The following TNFRSF1B variants were observed in gnomAD, a reference collection of about 807,000 sequenced individuals.
TNFRSF1B encodes the protein tumor necrosis factor receptor superfamily member 1B.
TNFRSF1B carries 19 observed loss-of-function variants against 44.6 expected under a neutral mutation model. The observed-to-expected ratio is 0.43, with a 90% CI of 0.30 to 0.62. TNFRSF1B has a LOEUF of 0.62. Ranked by LOEUF, TNFRSF1B falls within the 20% of genes least tolerant of loss-of-function variation. The pLI is 0.16. For synonymous variants in TNFRSF1B, 252 were observed against 261.1 expected (o/e 0.97, Z 0.34); for missense variants, 541 against 619.9 (o/e 0.87, Z 1.35).
At chr1:12,167,422 AG>A in intron 1 of TNFRSF1B, 1 of 429,838 alleles carries the variant, frequency 2.3e-6, no homozygotes, top group Non-Finnish European at 4.2e-6. Flanking sequence ...GCGTCGTGAC[AG>A]GGGCGCACCC....
chr1:12,182,394 C>T (rs562090630), intron 1 of TNFRSF1B, among the ~76,000 whole-genome samples: 1 of 152,210 alleles, frequency 6.6e-6, no homozygotes, highest in Admixed American at 6.5e-5. Context: ...TCCCCGGCCC[C>T]GCACCTTGTG....
In TNFRSF1B at chr1:12,199,047, C is replaced by G. The variant is rs1639333123; in HGVS notation, c.901-2920C>G. Among the ~76,000 whole-genome samples, 1 of 152,142 alleles carries G rather than the reference C, an allele frequency of 6.6e-6. No homozygotes were observed. The highest frequency in any genetic ancestry group is 1.5e-5 in the Non-Finnish European group (1 of 68,032). ...TCAGTACTCGGCTCTACTGGGGTCC[C>G]AGCCCAAGGAATAGGACTCAGCCTG... On this transcript the variant is annotated intron_variant, in intron 8 of 9. Coordinates refer to ENST00000376259, the MANE Select transcript of TNFRSF1B (RefSeq NM_001066.3). This position sits in a 1 kb window ranked among gnomAD's most constrained non-coding sequence, Gnocchi z 4.0.
rs1638777037 is a variant in TNFRSF1B at position 12,180,604 on chromosome 1, G to A, written c.79-8192G>A. On this transcript the variant is annotated intron_variant, in intron 1 of 9. Coordinates refer to ENST00000376259, the MANE Select transcript of TNFRSF1B (RefSeq NM_001066.3). The surrounding 1 kb of genome is among the most constrained non-coding windows in gnomAD (Gnocchi z 4.3). Reference sequence around the variant, plus strand: ...CCCTTACCAGCTAAGGGCTCCAGCAGAGTCCTAGTCTTGAGCGAATCTTAT... The same window carrying A: ...CCCTTACCAGCTAAGGGCTCCAGCAAAGTCCTAGTCTTGAGCGAATCTTAT... Among the ~76,000 whole-genome samples, 1 of 152,220 alleles carries A rather than the reference G, an allele frequency of 6.6e-6. No homozygotes were observed. The highest frequency in any genetic ancestry group is 2.4e-5 in the African/African-American group (1 of 41,454).
Position 12,183,850 on chromosome 1 carries a change from T to TCTATCTATCTACCTAC in TNFRSF1B, c.79-4943_79-4942insTCTATCTACCTACCTA, listed in dbSNP as rs1390376605. Among the ~76,000 whole-genome samples, 181 of 137,464 alleles carry TCTATCTATCTACCTAC rather than the reference T, an allele frequency of 1.3e-3. 2 individuals are homozygous for TCTATCTATCTACCTAC. Among genetic ancestry groups the TCTATCTATCTACCTAC allele is most frequent in the East Asian group, 3.2e-3 (15 of 4,686 alleles). The allele number at this position is 137,464 out of a possible 152,430, so 90.2% of individuals were successfully genotyped here. A position where few individuals can be genotyped will look rare whatever the true frequency, so the allele number is the denominator to read the frequency against. ...ACCTATCTATCTATCTATCTATCTA[T>TCTATCTATCTACCTAC]CTACCTACCTACCTACCTACATATC... is the stretch of plus-strand genomic sequence containing the variant. On this transcript the variant is annotated intron_variant, in intron 1 of 9. Transcript: ENST00000376259.
intron 1 of TNFRSF1B, among the ~76,000 whole-genome samples, chr1:12,170,874 C>T (rs1638506830): frequency 6.6e-6 from 1 of 151,366 alleles, no homozygotes; most frequent in Non-Finnish European, 1.5e-5. Flanking sequence ...CGGGGTTTCA[C>T]CATATTGCCC....
At chr1:12,191,655 C>A (rs1002907379) in intron 3 of TNFRSF1B, 119 bp from the exon 4 acceptor site, 12 of 1,306,270 alleles carry the variant, frequency 9.2e-6, no homozygotes, top group African/African-American at 2.9e-5. Flanking sequence ...GTGCCCCATG[C>A]TGAGGCGGTC....
At position 12,202,502 on chromosome 1, in the gene TNFRSF1B, C is replaced by G. The variant is rs111941714; in HGVS notation, c.1105+331C>G. 1.3e-4 allele frequency among the ~76,000 whole-genome samples: 20 copies of G among 152,316 alleles called. 1 individual carries two copies. Among genetic ancestry groups the G allele is most frequent in the African/African-American group, 3.8e-4 (16 of 41,566 alleles). On this transcript the variant is annotated intron_variant, in intron 9 of 9. Transcript: ENST00000376259. ...GCTCACCATGCCCTGGCCTCCCTTT[C>G]ACAGGACTGTCAGACTGCATGTACA...
Position 12,187,405 on chromosome 1 carries a change from G to A in TNFRSF1B, c.79-1391G>A, listed in dbSNP as rs531069217. ...TGACCTCAAGTGATCCACCTGCTTCGGCCTCCCAAAGTGCTGGGATTACAG... is the reference window on the plus strand; with the variant it reads ...TGACCTCAAGTGATCCACCTGCTTCAGCCTCCCAAAGTGCTGGGATTACAG... On this transcript the variant is annotated intron_variant, in intron 1 of 9. Transcript: ENST00000376259. This position sits in a 1 kb window ranked among gnomAD's most constrained non-coding sequence, Gnocchi z 5.5. Among the ~76,000 whole-genome samples the A allele has an allele frequency of 3.3e-5, 5 of 152,138 alleles. No individual in the cohort carries two copies. The highest frequency in any genetic ancestry group is 3.4e-3 in the Middle Eastern group (1 of 294).
At position 12,193,060 on chromosome 1, in the gene TNFRSF1B, C is replaced by A. The variant is rs767797172; in HGVS notation, c.749C>A (p.Pro250Gln). 2 of 1,614,188 alleles carry A rather than the reference C, an allele frequency of 1.2e-6. No homozygotes were observed. Among genetic ancestry groups the A allele is most frequent in the South Asian group, 2.2e-5 (2 of 91,076 alleles). The change falls in exon 6 of 10, where the codon CCA (proline) becomes CAA (glutamine). Residue 250 changes from proline to glutamine, a missense_variant. Transcript: ENST00000376259. ...SFLLPMGPSP[P>Q]AEGSTGDFAL... ...CTGCTCCCAATGGGCCCCAGCCCCCCAGCTGAAGGGAGCACTGGCGACTTC... is the reference window on the plus strand; with the variant it reads ...CTGCTCCCAATGGGCCCCAGCCCCCAAGCTGAAGGGAGCACTGGCGACTTC...
In TNFRSF1B at chr1:12,171,928, G is replaced by A. The variant is rs1638531908; in HGVS notation, c.78+4759G>A. On this transcript the variant is annotated intron_variant, in intron 1 of 9. Transcript: ENST00000376259. This position sits in a 1 kb window ranked among gnomAD's most constrained non-coding sequence, Gnocchi z 4.5. ...AATGGCCCTGTTTTACAGATGAGAC[G>A]GGGGTTTGAAAAGTCAGTGGTGGCA... 6.6e-6 allele frequency among the ~76,000 whole-genome samples: 1 copy of A among 152,158 alleles called. No individual in the cohort carries two copies. The highest frequency in any genetic ancestry group is 1.5e-5 in the Non-Finnish European group (1 of 68,022).
At chr1:12,185,219 C>T (rs1638956794) in intron 1 of TNFRSF1B, among the ~76,000 whole-genome samples, 1 of 152,332 alleles carries the variant, frequency 6.6e-6, no homozygotes, top group East Asian at 1.9e-4. Context: ...CGCCACCCCT[C>T]CCCCAGGTCA....
chr1:12,183,016 G>T (rs1300771675), intron 1 of TNFRSF1B, among the ~76,000 whole-genome samples: 1 of 152,210 alleles, frequency 6.6e-6, no homozygotes, highest in Non-Finnish European at 1.5e-5. Context: ...GGATAGCCTT[G>T]GGCACACTGC....
chr1:12,169,645 T>C lies in TNFRSF1B; in HGVS notation c.78+2476T>C, dbSNP rs1638477455. 6.6e-6 allele frequency among the ~76,000 whole-genome samples: 1 copy of C among 152,246 alleles called. No individual in the cohort carries two copies. The highest frequency in any genetic ancestry group is 2.4e-5 in the African/African-American group (1 of 41,464). On this transcript the variant is annotated intron_variant, in intron 1 of 9. Coordinates refer to ENST00000376259, the MANE Select transcript of TNFRSF1B (RefSeq NM_001066.3). The surrounding 1 kb of genome is among the most constrained non-coding windows in gnomAD (Gnocchi z 4.5). ...GCCCCCAGGAGACCTGAGCTAGCCA[T>C]GGACGCAGCCGACTCACTGCCAGCA... is the stretch of plus-strand genomic sequence containing the variant.
intron 1 of TNFRSF1B, among the ~76,000 whole-genome samples, chr1:12,185,634 G>A (rs934697229): frequency 6.6e-6 from 1 of 152,198 alleles, no homozygotes; most frequent in Non-Finnish European, 1.5e-5. Context: ...CCCACTGCCC[G>A]TGCCCAGAAT....
chr1:12,166,991 A>G lies in TNFRSF1B; in HGVS notation c.-101A>G. On this transcript the variant is annotated 5_prime_UTR_variant, in exon 1 of 10. Coordinates refer to ENST00000376259, the MANE Select transcript of TNFRSF1B (RefSeq NM_001066.3). Reference sequence around the variant, plus strand: ...CGCTGGGGCGCGGGCTTTCGCTTTCAGTCGAGGGCTAGCGAGCGCAGCGGA... The same window carrying G: ...CGCTGGGGCGCGGGCTTTCGCTTTCGGTCGAGGGCTAGCGAGCGCAGCGGA... 1 of 962,410 alleles carries G rather than the reference A, an allele frequency of 1.0e-6. No homozygotes were observed. Among genetic ancestry groups the G allele is most frequent in the Non-Finnish European group, 1.3e-6 (1 of 745,414 alleles). 59.6% of individuals were successfully genotyped at this position (962,410 alleles called of 1,614,324 possible).
chr1:12,196,161 C>T (rs868044202), intron 8 of TNFRSF1B, among the ~76,000 whole-genome samples: 1 of 151,854 alleles, frequency 6.6e-6, no homozygotes, highest in South Asian at 2.1e-4. Context: ...ATTAGCCAGG[C>T]GTGGTGGCAC....
chr1:12,170,621 G>A (rs764851243), intron 1 of TNFRSF1B, among the ~76,000 whole-genome samples: 76 of 152,042 alleles, frequency 5.0e-4, no homozygotes, highest in Non-Finnish European at 1.0e-3. Context: ...GAGTTTTGCC[G>A]GAGCCATGGC....
chr1:12,192,828 C>G (rs1331149494), intron 5 of TNFRSF1B, 35 bp from the exon 6 acceptor site: 1 of 1,578,256 alleles, frequency 6.3e-7, no homozygotes, highest in South Asian at 1.1e-5. Flanking sequence ...ACTCTGTCCC[C>G]TGCTGCCTCC....
rs199689616 is a variant in TNFRSF1B at position 12,207,040 on chromosome 1, G to T, written c.*20G>T. 271 of 1,548,620 alleles carry T rather than the reference G, an allele frequency of 1.7e-4. 2 individuals are homozygous for T. In the South Asian group the frequency reaches 2.7e-3, roughly 15 times the overall value. On this transcript the variant is annotated 3_prime_UTR_variant, in exon 10 of 10. Coordinates refer to ENST00000376259, the MANE Select transcript of TNFRSF1B (RefSeq NM_001066.3). ...AGTTAACCAGGCCGGTGTGGGCTGT[G>T]TCGTAGCCAAGGTGGGCTGAGCCCT... is the stretch of plus-strand genomic sequence containing the variant.
Sources: allele counts gnomAD v4.1 joint callset (sites outside exome capture counted in the v4.1 genomes callset), GRCh38; gene constraint gnomAD v4.1.1; non-coding constraint Gnocchi (gnomAD v3.1); transcripts MANE v1.5; gene names NCBI Gene and HGNC (gene_info 2026-07-23, HGNC 2026-07-21).